The following FAM135B variants were observed in gnomAD, a reference collection of about 807,000 sequenced individuals.
The protein encoded by FAM135B is protein FAM135B.
In FAM135B, 43 loss-of-function variants were observed where a neutral mutation model predicts 127.7. That is an observed-to-expected ratio of 0.34 (90% CI 0.26 to 0.43). The LOEUF (loss-of-function observed/expected upper bound fraction) is 0.43, where lower values mean the gene tolerates loss of function less well. FAM135B is among the 20% of genes least tolerant of loss of function. The probability of loss-of-function intolerance (pLI) is 1.00; values close to 1 mark genes in which losing one functional copy is unlikely to be tolerated. For missense variants in FAM135B, 1,558 were observed against 1,725.6 expected (o/e 0.90, Z 1.72); for synonymous variants, 670 against 665.1 (o/e 1.01, Z -0.11).
chr8:138,420,547 A>T (rs1451380761), intron 1 of FAM135B, among the ~76,000 whole-genome samples: 1 of 152,002 alleles, frequency 6.6e-6, no homozygotes, highest in Non-Finnish European at 1.5e-5. Context: ...GGGCAGAGAC[A>T]CAACAGAAAA....
At chr8:138,343,178 C>CT (rs1280806185) in intron 2 of FAM135B, among the ~76,000 whole-genome samples, 1 of 152,196 alleles carries the variant, frequency 6.6e-6, no homozygotes, top group African/African-American at 2.4e-5. Flanking sequence ...GAACTAAGGG[C>CT]TGGAAGGTAG....
chr8:138,234,840 TCA>T (rs1820147989), intron 7 of FAM135B, among the ~76,000 whole-genome samples: 1 of 152,190 alleles, frequency 6.6e-6, no homozygotes, highest in Non-Finnish European at 1.5e-5. Context: ...CTCACTGGGC[TCA>T]GTTTTTCTAT....
At chr8:138,228,873 G>A (rs1218792459) in intron 7 of FAM135B, among the ~76,000 whole-genome samples, 1 of 152,182 alleles carries the variant, frequency 6.6e-6, no homozygotes, top group Non-Finnish European at 1.5e-5. Context: ...TTCTTCCTGG[G>A]CCAGCTACAA....
intron 1 of FAM135B, among the ~76,000 whole-genome samples, chr8:138,393,928 C>A (rs1371262404): frequency 1.3e-5 from 2 of 152,224 alleles, no homozygotes; most frequent in African/African-American, 4.8e-5. Context: ...GAGCCAGCCA[C>A]AACCCCGTGC....
rs578046940 is a variant in FAM135B at position 138,262,376 on chromosome 8, C to T, written c.297+3327G>A. ...TCAATGTCCCAAGGGCAAAGGCCCA[C>T]GGGAAAAAATGGAGCATTGTTTTCT... is the stretch of plus-strand genomic sequence containing the variant. On this transcript the variant is annotated intron_variant, in intron 4 of 19. Coordinates refer to ENST00000395297, the MANE Select transcript of FAM135B (RefSeq NM_015912.4). Among the ~76,000 whole-genome samples the T allele has an allele frequency of 7.2e-5, 11 of 152,030 alleles. 1 individual carries two copies. Among genetic ancestry groups the T allele is most frequent in the South Asian group, 6.2e-4 (3 of 4,818 alleles).
intron 16 of FAM135B, 99 bp downstream of exon 16, chr8:138,142,913 T>C (rs1440958684): frequency 1.5e-6 from 1 of 683,342 alleles, no homozygotes; most frequent in Admixed American, 2.2e-5. Context: ...CTTAGCTCAG[T>C]GGTATACAGA....
intron 3 of FAM135B, among the ~76,000 whole-genome samples, chr8:138,304,967 G>A (rs1446081462): frequency 6.6e-6 from 1 of 152,186 alleles, no homozygotes; most frequent in African/African-American, 2.4e-5. Context: ...CACCCTGCCG[G>A]CCCTGGGTAG....
At position 138,243,121 on chromosome 8, in the gene FAM135B, G is replaced by A. The variant is rs144615556; in HGVS notation, c.543-53C>T. The A allele has an allele frequency of 6.4e-4, 997 of 1,568,374 alleles. 4 individuals carry two copies. The highest frequency in any genetic ancestry group is 3.4e-3 in the African/African-American group (249 of 73,636). ...AAAAGGAGGTAAAGAAAGTGATGGT[G>A]CCATTAACTCAGCCCCTTTGAGGAG... On this transcript the variant is annotated intron_variant, in intron 6 of 19. Transcript: ENST00000395297. The surrounding 1 kb of genome is among the most constrained non-coding windows in gnomAD (Gnocchi z 7.5).
At chr8:138,222,761 T>C (rs1819133951) in intron 7 of FAM135B, among the ~76,000 whole-genome samples, 1 of 151,596 alleles carries the variant, frequency 6.6e-6, no homozygotes, top group Non-Finnish European at 1.5e-5. Flanking sequence ...TTAAAAAAGA[T>C]TCTGAAAAGC....
chr8:138,341,915 G>A (rs1339642226), intron 2 of FAM135B, among the ~76,000 whole-genome samples: 3 of 151,920 alleles, frequency 2.0e-5, no homozygotes, highest in Non-Finnish European at 4.4e-5. Flanking sequence ...CCTTTAACAC[G>A]TTTATACTAC....
At chr8:138,373,914 T>C (rs1831305516) in intron 1 of FAM135B, among the ~76,000 whole-genome samples, 1 of 152,150 alleles carries the variant, frequency 6.6e-6, no homozygotes, top group African/African-American at 2.4e-5. Context: ...CAAATGACAA[T>C]GGTGCCTGAA....
At chr8:138,362,214 ATTCT>A (rs1473206928) in intron 2 of FAM135B, among the ~76,000 whole-genome samples, 2 of 149,856 alleles carry the variant, frequency 1.3e-5, no homozygotes, top group Non-Finnish European at 3.0e-5. Flanking sequence ...AGCAGGACTT[ATTCT>A]TTCTAATTTC....
intron 11 of FAM135B, among the ~76,000 whole-genome samples, 166 bp downstream of exon 11, chr8:138,177,181 T>C (rs926989952): frequency 1.3e-5 from 2 of 152,206 alleles, no homozygotes; most frequent in African/African-American, 2.4e-5. Context: ...CTCCCCACTC[T>C]GCAATCTGTC....
chr8:138,145,923 A>C, intron 15 of FAM135B, 36 bp downstream of exon 15: 1 of 1,113,294 alleles, frequency 9.0e-7, no homozygotes, highest in South Asian at 1.3e-5. Context: ...GCATGCATCC[A>C]GGGTTCTTCC....
intron 1 of FAM135B, among the ~76,000 whole-genome samples, chr8:138,486,620 A>G (rs1409473813): frequency 6.6e-6 from 1 of 152,180 alleles, no homozygotes; most frequent in East Asian, 1.9e-4. Context: ...CCCTGGCCTC[A>G]AGGAGGAAGA....
chr8:138,414,117 TAC>T lies in FAM135B; in HGVS notation c.-19-46117_-19-46116del, dbSNP rs1019402857. On this transcript the variant is annotated intron_variant, in intron 1 of 19. Coordinates refer to ENST00000395297, the MANE Select transcript of FAM135B (RefSeq NM_015912.4). ...TTAAGTTCCCCTGTTCACACACAAA[TAC>T]ATATATATATATATATATATGCACA... is the stretch of plus-strand genomic sequence containing the variant. 1.5e-3 allele frequency among the ~76,000 whole-genome samples: 163 copies of T among 108,000 alleles called. 1 individual carries two copies. Among genetic ancestry groups the T allele is most frequent in the East Asian group, 0.012 (31 of 2,680 alleles). The allele number at this position is 108,000 out of a possible 152,430, so 70.9% of individuals were successfully genotyped here.
chr8:138,234,851 A>C (rs554624005), intron 7 of FAM135B, among the ~76,000 whole-genome samples: 2 of 152,294 alleles, frequency 1.3e-5, no homozygotes, highest in South Asian at 4.1e-4. Flanking sequence ...CAGTTTTTCT[A>C]TGTCTATAAT....
chr8:138,274,864 C>T (rs549476637), intron 3 of FAM135B, among the ~76,000 whole-genome samples: 3 of 151,966 alleles, frequency 2.0e-5, no homozygotes, highest in Non-Finnish European at 4.4e-5. Context: ...ATTCCCTGAA[C>T]AATTGCTATT....
chr8:138,487,547 A>T (rs960506032), intron 1 of FAM135B, among the ~76,000 whole-genome samples: 1 of 144,752 alleles, frequency 6.9e-6, no homozygotes, highest in Admixed American at 7.2e-5. Context: ...ATGGCCCAGC[A>T]CCCACCCGTG....
Sources: gnomAD v4.1 joint callset for allele counts (sites outside exome capture counted in the v4.1 genomes callset) on GRCh38, gnomAD v4.1.1 for gene constraint, Gnocchi (gnomAD v3.1) non-coding constraint, MANE v1.5 for transcripts, NCBI Gene and HGNC (gene_info 2026-07-23, HGNC 2026-07-21) for gene names.